Variants in MMP26 observed in about 807,000 individuals in gnomAD.
MMP26 encodes matrix metallopeptidase 26.
In MMP26, 33 loss-of-function variants were observed where a neutral mutation model predicts 31.0. That is an observed-to-expected ratio of 1.06 (90% CI 0.81 to 1.42). The LOEUF (loss-of-function observed/expected upper bound fraction) is 1.42, where lower values mean the gene tolerates loss of function less well. MMP26 is among the 40% of genes most tolerant of loss of function. The pLI is 0.00. For synonymous variants in MMP26, 122 were observed against 114.9 expected (o/e 1.06, Z -0.40); for missense variants, 347 against 316.1 (o/e 1.10, Z -0.74).
chr11:4,800,807 T>C (rs550605722), intron 2 of MMP26, among the ~76,000 whole-genome samples: 1 of 152,318 alleles, frequency 6.6e-6, no homozygotes, highest in South Asian at 2.1e-4. Context: ...GGCCATCTCT[T>C]GCATGGTTTG....
rs376608176 is a variant in MMP26, at chr11:4,915,285, G to A, written c.-144-72783G>A. ...AAGGGGTGGCAGATAGCCACAAAGC[G>A]GTCAAAGGCCATAGACAGTAGCACA... is the stretch of plus-strand genomic sequence containing the variant. On this transcript the variant is annotated intron_variant, in intron 2 of 7. Coordinates refer to ENST00000380390, the MANE Select transcript of MMP26 (RefSeq NM_021801.5). The A allele has an allele frequency of 4.6e-5, 75 of 1,613,812 alleles. 2 individuals are homozygous for A. The highest frequency in any genetic ancestry group is 3.2e-4 in the South Asian group (29 of 91,058).
At chr11:4,924,477 G>A in intron 2 of MMP26, 1 of 841,584 alleles carries the variant, frequency 1.2e-6, no homozygotes, top group East Asian at 2.6e-5. Context: ...GGGGAGAACT[G>A]GGTGGGGGCT....
At chr11:4,770,022 A>G in intron 2 of MMP26, 3 of 645,112 alleles carry the variant, frequency 4.7e-6, no homozygotes, top group Non-Finnish European at 5.6e-6. Flanking sequence ...TTTAGTTAGT[A>G]GAGTTATCCA....
chr11:4,825,631 A>C (rs944542949), intron 2 of MMP26, among the ~76,000 whole-genome samples: 8 of 152,178 alleles, frequency 5.3e-5, no homozygotes, highest in African/African-American at 1.9e-4. Context: ...CATAGTTACT[A>C]TATAAACTAA....
intron 2 of MMP26, among the ~76,000 whole-genome samples, chr11:4,939,656 G>C (rs1846181118): frequency 6.6e-6 from 1 of 152,124 alleles, no homozygotes; most frequent in Admixed American, 6.6e-5. Flanking sequence ...TTGGCTCCAA[G>C]GAAAGTATAA....
chr11:4,817,332 C>G (rs1849435625), intron 2 of MMP26, among the ~76,000 whole-genome samples: 1 of 152,008 alleles, frequency 6.6e-6, no homozygotes. Flanking sequence ...GCCTGTAATC[C>G]CAGCACTTTG....
At chr11:4,960,784 TA>T (rs1846510506) in intron 2 of MMP26, among the ~76,000 whole-genome samples, 1 of 152,054 alleles carries the variant, frequency 6.6e-6, no homozygotes, top group South Asian at 2.1e-4. Flanking sequence ...TTGAGAAATA[TA>T]AAAAGCATAG....
At chr11:4,887,391 C>G (rs1850558671) in intron 2 of MMP26, among the ~76,000 whole-genome samples, 1 of 152,088 alleles carries the variant, frequency 6.6e-6, no homozygotes, top group Non-Finnish European at 1.5e-5. Flanking sequence ...CCTACTGACT[C>G]TTCTGATCCA....
intron 2 of MMP26, among the ~76,000 whole-genome samples, chr11:4,815,544 T>C (rs1043182819): frequency 2.6e-5 from 4 of 151,742 alleles, no homozygotes; most frequent in Non-Finnish European, 5.9e-5. Flanking sequence ...TTATTTTTCA[T>C]ATAGTCAGCA....
intron 1 of MMP26, among the ~76,000 whole-genome samples, chr11:4,742,844 G>T (rs1589888624): frequency 6.6e-6 from 1 of 152,002 alleles, no homozygotes; most frequent in South Asian, 2.1e-4. Context: ...GTCAGGCCTG[G>T]TACTATGTGG....
intron 2 of MMP26, chr11:4,915,689 G>A: frequency 1.5e-5 from 23 of 1,554,186 alleles, no homozygotes; most frequent in Non-Finnish European, 2.0e-5. Flanking sequence ...GGGGGAAGGT[G>A]GGTGCCCTCC....
intron 2 of MMP26, among the ~76,000 whole-genome samples, chr11:4,815,911 A>T (rs2133466275): frequency 6.6e-6 from 1 of 152,264 alleles, no homozygotes; most frequent in Non-Finnish European, 1.5e-5. Flanking sequence ...GATCTTGAGG[A>T]TATTTACGTG....
At chr11:4,890,862 A>G (rs918206851) in intron 2 of MMP26, among the ~76,000 whole-genome samples, 1 of 151,940 alleles carries the variant, frequency 6.6e-6, no homozygotes, top group African/African-American at 2.4e-5. Flanking sequence ...AAAGAGCAGT[A>G]ACTTTCAAAC....
chr11:4,949,781 A>T lies in MMP26; in HGVS notation c.-144-38287A>T, dbSNP rs954783196. On this transcript the variant is annotated intron_variant, in intron 2 of 7. Coordinates refer to ENST00000380390, the MANE Select transcript of MMP26 (RefSeq NM_021801.5). The stretch of plus-strand genomic sequence containing the variant: ...GAAATTTCATTCCTTAACAAGTTTT[A>T]AAAAATCCATAATTTAACAAAACTG... Among the ~76,000 whole-genome samples the T allele has an allele frequency of 1.5e-4, 18 of 121,982 alleles. 2 individuals carry two copies. The highest frequency in any genetic ancestry group is 1.0e-3 in the Admixed American group (11 of 10,806). 80.0% of individuals were successfully genotyped at this position (121,982 alleles called of 152,430 possible). A position where few individuals can be genotyped will look rare whatever the true frequency, so the allele number is the denominator to read the frequency against.
At chr11:4,869,957 A>C (rs1850289069) in intron 2 of MMP26, among the ~76,000 whole-genome samples, 1 of 152,150 alleles carries the variant, frequency 6.6e-6, no homozygotes, top group Admixed American at 6.5e-5. Context: ...TCATTGTGAG[A>C]AAACTATCAC....
At chr11:4,860,243 C>T (rs749061014) in intron 2 of MMP26, 6 of 471,232 alleles carry the variant, frequency 1.3e-5, no homozygotes, top group South Asian at 9.3e-5. Context: ...ATTCCAAATA[C>T]ATGGATGAAG....
At chr11:4,856,337 C>T (rs563139183) in intron 2 of MMP26, among the ~76,000 whole-genome samples, 1 of 152,226 alleles carries the variant, frequency 6.6e-6, no homozygotes, top group East Asian at 1.9e-4. Context: ...ATCTCACTTG[C>T]AGAGACACAC....
chr11:4,813,409 A>G (rs921798551), intron 2 of MMP26, among the ~76,000 whole-genome samples: 3 of 151,438 alleles, frequency 2.0e-5, no homozygotes, highest in African/African-American at 7.3e-5. Flanking sequence ...TATTTTTTAG[A>G]GATGGGGTCT....
intron 1 of MMP26, chr11:4,736,486 CTA>C (rs1468245646): frequency 1.3e-5 from 2 of 152,218 alleles, no homozygotes; most frequent in Non-Finnish European, 2.9e-5. Context: ...CCTGCAGTAA[CTA>C]TGAGGGCAGT....
Sources: gnomAD v4.1 joint callset for allele counts (sites outside exome capture counted in the v4.1 genomes callset) on GRCh38, gnomAD v4.1.1 for gene constraint, MANE v1.5 for transcripts, NCBI Gene and HGNC (gene_info 2026-07-23, HGNC 2026-07-21) for gene names.